Variants in ABR observed in about 807,000 individuals in gnomAD.
ABR encodes the protein active breakpoint cluster region-related protein.
ABR carries 35 observed loss-of-function variants against 107.2 expected under a neutral mutation model. The observed-to-expected ratio is 0.33, with a 90% CI of 0.25 to 0.43. The LOEUF is 0.43. Ranked by LOEUF, ABR falls within the 20% of genes least tolerant of loss-of-function variation. The pLI is 1.00. For synonymous variants in ABR, 498 were observed against 462.0 expected, an observed-to-expected ratio of 1.08 and a Z score of -1.00; for missense variants, 815 against 1,115.2, an observed-to-expected ratio of 0.73 and a Z score of 3.83.
intron 1 of ABR, among the ~76,000 whole-genome samples, chr17:1,208,749 G>A (rs1221210123): frequency 6.6e-6 from 1 of 152,108 alleles, no homozygotes; most frequent in African/African-American, 2.4e-5. Context: ...TTAGCCGGGT[G>A]TGGTGGCGGG....
intron 1 of ABR, among the ~76,000 whole-genome samples, chr17:1,193,575 C>A (rs143974498): frequency 1.3e-4 from 19 of 149,568 alleles, no homozygotes; most frequent in African/African-American, 4.1e-4. Flanking sequence ...AGGAAAGCAT[C>A]CTGACCAGAT....
chr17:1,040,324 T>G (rs1157944773), intron 16 of ABR, among the ~76,000 whole-genome samples: 1 of 152,212 alleles, frequency 6.6e-6, no homozygotes, highest in Non-Finnish European at 1.5e-5. Flanking sequence ...CCACGTTCTC[T>G]GCAAGCTTCC....
chr17:1,076,003 T>A (rs113378621), intron 6 of ABR, among the ~76,000 whole-genome samples: 16 of 152,260 alleles, frequency 1.1e-4, no homozygotes, highest in Non-Finnish European at 1.0e-4. Flanking sequence ...GATTGCGCCA[T>A]TGCACTCCAG....
intron 1 of ABR, among the ~76,000 whole-genome samples, chr17:1,165,653 T>G (rs943165514): frequency 4.6e-5 from 7 of 152,204 alleles, no homozygotes; most frequent in Admixed American, 2.6e-4. Flanking sequence ...TGCCTCAGCC[T>G]CCCGAGTAGC....
rs1013783832 is a variant in ABR at position 1,070,188 on chromosome 17, C to T, written c.895-98G>A. 3.3e-6 allele frequency: 5 copies of T among 1,504,564 alleles called. No individual in the cohort carries two copies. Among genetic ancestry groups the T allele is most frequent in the South Asian group, 1.2e-5 (1 of 81,546 alleles). The allele number at this position is 1,504,564 out of a possible 1,614,324, so 93.2% of individuals were successfully genotyped here. On this transcript the variant is annotated intron_variant, in intron 8 of 22. Transcript: ENST00000302538. The surrounding 1 kb of genome is among the most constrained non-coding windows in gnomAD (Gnocchi z 4.2). ...CACGGCCAGCCAGGGAGGACTGGAC[C>T]GAGAGGCGGCATAGCCTGTCATCCC...
chr17:1,148,791 G>A lies in ABR; in HGVS notation c.62-23424C>T, dbSNP rs568742354. Among the ~76,000 whole-genome samples, 9 of 152,328 alleles carry A rather than the reference G, an allele frequency of 5.9e-5. No individual in the cohort carries two copies. Among genetic ancestry groups the A allele is most frequent in the African/African-American group, 1.7e-4 (7 of 41,566 alleles). On this transcript the variant is annotated intron_variant, in intron 1 of 22. Coordinates refer to ENST00000302538, the MANE Select transcript of ABR (RefSeq NM_021962.5). This position sits in a 1 kb window ranked among gnomAD's most constrained non-coding sequence, Gnocchi z 4.9. ...GCCAGGTGAGAGTTCCGGAGATGAC[G>A]GTGCTGATGGCCGCACCAGAGTGTG...
chr17:1,104,582 G>A (rs1195577600), intron 2 of ABR, among the ~76,000 whole-genome samples: 2 of 152,180 alleles, frequency 1.3e-5, no homozygotes, highest in Non-Finnish European at 2.9e-5. Context: ...ATGCCACTGG[G>A]CCTGGGGGTG....
At chr17:1,120,526 A>G (rs925331707) in intron 2 of ABR, among the ~76,000 whole-genome samples, 2 of 152,080 alleles carry the variant, frequency 1.3e-5, no homozygotes, top group Non-Finnish European at 2.9e-5. Context: ...TGATCCACCC[A>G]CCTCGGCCTC....
chr17:1,064,560 A>G (rs2034471879), intron 10 of ABR, among the ~76,000 whole-genome samples: 1 of 114,266 alleles, frequency 8.8e-6, no homozygotes, highest in African/African-American at 3.4e-5. Context: ...ACTGAGGGCT[A>G]TGCATGTTCC....
intron 1 of ABR, among the ~76,000 whole-genome samples, chr17:1,130,607 C>T (rs2039782934): frequency 1.3e-5 from 2 of 152,168 alleles, no homozygotes; most frequent in Non-Finnish European, 2.9e-5. Context: ...TAGTGGCCCC[C>T]CCACAAGGTA....
At chr17:1,087,294 C>T (rs1028961292) in intron 4 of ABR, among the ~76,000 whole-genome samples, 1 of 152,168 alleles carries the variant, frequency 6.6e-6, no homozygotes, top group Non-Finnish European at 1.5e-5. Flanking sequence ...TCCCCAAGGA[C>T]CCAGAGAGGC....
chr17:1,089,444 C>T (rs1244396019), intron 4 of ABR, among the ~76,000 whole-genome samples: 2 of 152,208 alleles, frequency 1.3e-5, no homozygotes, highest in African/African-American at 2.4e-5. Context: ...GGGTAAGTTG[C>T]CCAGTTGCAG....
rs2042053950 is a variant in ABR, at chr17:1,179,682, C to T, written c.46G>A (p.Asp16Asn). ...HRGLPRLSWI[D>N]TLYSNFSYGT... Reference sequence around the variant, plus strand: ...GCACACGTACTGCTGTAGAGGGTGTCGATCCAGGACAGGCGCGGCAGGCCC... The same window carrying T: ...GCACACGTACTGCTGTAGAGGGTGTTGATCCAGGACAGGCGCGGCAGGCCC... The change falls in exon 1 of 23, where the codon GAC (aspartate) becomes AAC (asparagine). Residue 16 changes from aspartate to asparagine, a missense_variant. Asp to Asn is a conservative substitution (Grantham distance 23, BLOSUM62 1). Transcript: ENST00000302538. The surrounding 1 kb of genome is among the most constrained non-coding windows in gnomAD (Gnocchi z 4.9). 6.4e-7 allele frequency: 1 copy of T among 1,563,860 alleles called. No homozygotes were observed.
intron 5 of ABR, among the ~76,000 whole-genome samples, chr17:1,082,131 G>T (rs1662415974): frequency 6.6e-6 from 1 of 152,110 alleles, no homozygotes; most frequent in Admixed American, 6.5e-5. Flanking sequence ...AACACAAAGG[G>T]CCAAGAGGGG....
chr17:1,145,154 G>A (rs1278941643), intron 1 of ABR, among the ~76,000 whole-genome samples: 1 of 152,218 alleles, frequency 6.6e-6, no homozygotes, highest in African/African-American at 2.4e-5. Context: ...TCTGCTCACT[G>A]CCTGTTATTT....
chr17:1,009,567 T>TC lies in ABR; in HGVS notation c.2342+111dup, dbSNP rs1432597417. Reference sequence around the variant, plus strand: ...ACTGAGGAGGTGGGGTTGGGGCCACTCCCCGTTACCTTTTCACGAGGAGGG... The same window carrying TC: ...ACTGAGGAGGTGGGGTTGGGGCCACTCCCCCGTTACCTTTTCACGAGGAGGG... On this transcript the variant is annotated intron_variant, in intron 21 of 22. Coordinates refer to ENST00000302538, the MANE Select transcript of ABR (RefSeq NM_021962.5). The TC allele has an allele frequency of 2.1e-5, 18 of 873,722 alleles. No individual in the cohort carries two copies. The East Asian group carries it at 4.7e-4, about 23-fold the overall frequency. The allele number at this position is 873,722 out of a possible 1,614,324, so 54.1% of individuals were successfully genotyped here. A position where few individuals can be genotyped will look rare whatever the true frequency, so the allele number is the denominator to read the frequency against.
chr17:1,068,225 G>A (rs2034914803), intron 9 of ABR, among the ~76,000 whole-genome samples: 1 of 152,216 alleles, frequency 6.6e-6, no homozygotes, highest in Admixed American at 6.5e-5. Flanking sequence ...AAGCCACCGT[G>A]CCCGCCCAGT....
intron 7 of ABR, among the ~76,000 whole-genome samples, chr17:1,073,007 C>T (rs1432584346): frequency 1.3e-5 from 2 of 152,012 alleles, no homozygotes; most frequent in African/African-American, 4.8e-5. Context: ...TGGTGAAACC[C>T]CATCTCTAGT....
intron 16 of ABR, among the ~76,000 whole-genome samples, chr17:1,024,540 C>T (rs925647753): frequency 2.6e-5 from 4 of 152,294 alleles, no homozygotes; most frequent in Non-Finnish European, 4.4e-5. Context: ...TAATCCAGCA[C>T]TGTGGGAGGC....
Sources: gnomAD v4.1 joint callset for allele counts (sites outside exome capture counted in the v4.1 genomes callset) on GRCh38, gnomAD v4.1.1 for gene constraint, Gnocchi (gnomAD v3.1) non-coding constraint, MANE v1.5 for transcripts, NCBI Gene and HGNC (gene_info 2026-07-23, HGNC 2026-07-21) for gene names.